The following MAOB variants were observed in gnomAD, a reference collection of about 807,000 sequenced individuals.
MAOB encodes the protein monoamine oxidase B.
A neutral mutation model predicts 41.9 loss-of-function variants in MAOB; 15 were observed. That is an observed-to-expected ratio of 0.36 (90% confidence interval 0.24 to 0.55). MAOB has a LOEUF of 0.55. Ranked by LOEUF, MAOB falls within the 20% of genes least tolerant of loss-of-function variation. The probability of loss-of-function intolerance (pLI) is 0.86; values close to 1 mark genes in which losing one functional copy is unlikely to be tolerated. For missense variants in MAOB, 345 were observed against 398.7 expected, an observed-to-expected ratio of 0.87 and a Z score of 1.15; for synonymous variants, 167 against 144.2, an observed-to-expected ratio of 1.16 and a Z score of -1.13.
intron 1 of MAOB, among the ~76,000 whole-genome samples, chrX:43,845,826 C>A (rs1282751144): frequency 8.9e-6 from 1 of 112,357 alleles, no homozygotes; most frequent in Non-Finnish European, 1.9e-5. Flanking sequence ...TAGTCACCGT[C>A]TATCAGTGAT....
At chrX:43,875,478 C>T (rs1297982937) in intron 1 of MAOB, among the ~76,000 whole-genome samples, 1 of 111,890 alleles carries the variant, frequency 8.9e-6, no homozygotes, top group African/African-American at 3.3e-5. Flanking sequence ...TTATGGCCTC[C>T]TCTTAGGGGA....
At chrX:43,771,233 A>G (rs1397137404) in intron 12 of MAOB, among the ~76,000 whole-genome samples, 1 of 112,301 alleles carries the variant, frequency 8.9e-6, no homozygotes, top group Non-Finnish European at 1.9e-5. Context: ...TCAAGTACCC[A>G]TACAACCATT....
intron 1 of MAOB, among the ~76,000 whole-genome samples, chrX:43,864,536 A>G (rs2035353397): frequency 8.9e-6 from 1 of 111,869 alleles, no homozygotes; most frequent in Non-Finnish European, 1.9e-5. Flanking sequence ...ATCACCTCAA[A>G]CAATGGATGG....
intron 12 of MAOB, among the ~76,000 whole-genome samples, chrX:43,772,441 A>G (rs977646389): frequency 8.9e-6 from 1 of 112,018 alleles, no homozygotes; most frequent in Non-Finnish European, 1.9e-5. Flanking sequence ...GGTATTTATG[A>G]AATTGAGCAT....
At chrX:43,793,180 A>G (rs1250395808) in intron 8 of MAOB, among the ~76,000 whole-genome samples, 1 of 111,552 alleles carries the variant, frequency 9.0e-6, no homozygotes, top group Non-Finnish European at 1.9e-5. Context: ...GGACTACTAA[A>G]GGGGGAGGTA....
intron 1 of MAOB, among the ~76,000 whole-genome samples, chrX:43,869,212 ATCTC>A (rs752328176): frequency 9.0e-6 from 1 of 111,058 alleles, no homozygotes; most frequent in Non-Finnish European, 1.9e-5. Flanking sequence ...GAAGGACAAG[ATCTC>A]TCTCTCTCTA....
chrX:43,834,325 G>A (rs1476438175), intron 3 of MAOB, among the ~76,000 whole-genome samples: 6 of 111,676 alleles, frequency 5.4e-5, no homozygotes, highest in Admixed American at 1.9e-4. Flanking sequence ...TAATAGGATC[G>A]GGGACAGGGG....
At chrX:43,838,351 G>A (rs938424926) in intron 3 of MAOB, among the ~76,000 whole-genome samples, 14 of 111,806 alleles carry the variant, frequency 1.3e-4, no homozygotes, top group Admixed American at 5.7e-4. Flanking sequence ...GAAATCTTGG[G>A]GAGAACAATG....
chrX:43,879,802 T>C (rs1202285107), intron 1 of MAOB, among the ~76,000 whole-genome samples: 1 of 112,232 alleles, frequency 8.9e-6, no homozygotes, highest in Non-Finnish European at 1.9e-5. Context: ...TCTAGCTTTC[T>C]CTCCCACCAG....
At chrX:43,843,354 GTC>G (rs1433628530) in intron 2 of MAOB, among the ~76,000 whole-genome samples, 13 of 45,981 alleles carry the variant, frequency 2.8e-4, no homozygotes, top group East Asian at 5.6e-4. Context: ...TTCTCTCTCT[GTC>G]TCACACACAC....
At chrX:43,809,231 T>C (rs1449082655) in intron 3 of MAOB, among the ~76,000 whole-genome samples, 1 of 111,761 alleles carries the variant, frequency 8.9e-6, no homozygotes, top group Non-Finnish European at 1.9e-5. Context: ...CCCAAAAATA[T>C]TGAGGGTTGC....
At chrX:43,828,025 G>C (rs770668666) in intron 3 of MAOB, among the ~76,000 whole-genome samples, 8 of 110,945 alleles carry the variant, frequency 7.2e-5, no homozygotes, top group Non-Finnish European at 1.5e-4. Flanking sequence ...AACTATCCTG[G>C]CCTCATCAAG....
At chrX:43,857,255 A>C (rs1297541418) in intron 1 of MAOB, among the ~76,000 whole-genome samples, 2 of 101,943 alleles carry the variant, frequency 2.0e-5, no homozygotes, top group African/African-American at 7.2e-5. Context: ...ATCTCAGCTC[A>C]CCGCAACCTC....
chrX:43,872,573 A>G (rs2035415156), intron 1 of MAOB, among the ~76,000 whole-genome samples: 1 of 112,372 alleles, frequency 8.9e-6, no homozygotes, highest in Non-Finnish European at 1.9e-5. Flanking sequence ...ATTATGTACA[A>G]CAATTTAGGT....
At chrX:43,836,851 G>A (rs1159302121) in intron 3 of MAOB, among the ~76,000 whole-genome samples, 1 of 112,237 alleles carries the variant, frequency 8.9e-6, no homozygotes, top group Non-Finnish European at 1.9e-5. Flanking sequence ...ATTAAGTAAG[G>A]ACTACTGCTT....
chrX:43,770,782 T>G (rs1484849099), intron 12 of MAOB, among the ~76,000 whole-genome samples: 1 of 111,898 alleles, frequency 8.9e-6, no homozygotes, highest in Non-Finnish European at 1.9e-5. Context: ...TTATATTCTT[T>G]GCCTGGTGTA....
At chrX:43,796,556 AGGAGGAGGAGAAAGAGGAGGG>A (rs1325808781) in intron 6 of MAOB, among the ~76,000 whole-genome samples, 3 of 110,936 alleles carry the variant, frequency 2.7e-5, no homozygotes, top group Non-Finnish European at 5.7e-5. Flanking sequence ...GAAAGAGAAA[AGGAGGAGGAGAAAGAGGAGGG>A]GGAGGAGGAG....
chrX:43,774,058 C>T (rs2034221013), intron 12 of MAOB, among the ~76,000 whole-genome samples: 4 of 111,830 alleles, frequency 3.6e-5, no homozygotes, highest in South Asian at 3.7e-4. Context: ...AAAGTTATTA[C>T]GTATCTTCTG....
In MAOB at chrX:43,769,437, A is replaced by C. The variant is rs2147117059; in HGVS notation, c.1236-19T>G. 8.3e-7 allele frequency: 1 copy of C among 1,201,516 alleles called. No individual in the cohort carries two copies. The highest frequency in any genetic ancestry group is 1.1e-6 in the Non-Finnish European group (1 of 891,574). On this transcript the variant is annotated intron_variant, in intron 12 of 14. Coordinates refer to ENST00000378069, the MANE Select transcript of MAOB (RefSeq NM_000898.5). The stretch of plus-strand genomic sequence containing the variant: ...TAGAACCCTTGGAACAAAACCAAAG[A>C]GGCAAAAGTGGTCAGTCTCAGAGAG...
Sources: allele counts gnomAD v4.1 joint callset (sites outside exome capture counted in the v4.1 genomes callset), GRCh38; gene constraint gnomAD v4.1.1; transcripts MANE v1.5; gene names NCBI Gene and HGNC (gene_info 2026-07-23, HGNC 2026-07-21).